CDC25B: variants seen among roughly 807,000 people sequenced by gnomAD.
CDC25B encodes cell division cycle 25B, also known as M-phase inducer phosphatase 2.
CDC25B carries 33 observed loss-of-function variants against 69.8 expected under a neutral mutation model. That is an observed-to-expected ratio of 0.47 (90% CI 0.36 to 0.63). The LOEUF (loss-of-function observed/expected upper bound fraction) is 0.63. CDC25B is among the 30% of genes least tolerant of loss of function. CDC25B has a pLI of 0.00. For synonymous variants in CDC25B, 341 were observed against 314.6 expected (o/e 1.08, Z -0.89); for missense variants, 727 against 809.1 (o/e 0.90, Z 1.23).
In CDC25B at chr20:3,796,608, C is replaced by A; in HGVS notation, c.77C>A (p.Pro26Gln). 5 of 1,441,100 alleles carry A rather than the reference C, an allele frequency of 3.5e-6. No individual in the cohort carries two copies. Among genetic ancestry groups the A allele is most frequent in the Non-Finnish European group, 4.5e-6 (5 of 1,101,600 alleles). 89.3% of individuals were successfully genotyped at this position (1,441,100 alleles called of 1,614,324 possible). ...PAGVCGGAQR[P>Q]GHLPGLLLGS... ...GGCGTGTGCGGTGGCGCCCAGCGTC[C>A]GGGCCACCTCCCGGGCCTCCTGCTG... Residue 26 changes from proline (P) to glutamine (Q), a missense_variant, in exon 1 of 16, where the codon CCG (proline) becomes CAG (glutamine). Physicochemically the swap from Pro to Gln is moderately conservative, Grantham distance 76 (BLOSUM62 -1). This residue lies in a region of CDC25B where 368 missense variants were observed against 345.6 expected (regional missense o/e 1.06). Coordinates refer to ENST00000245960, the MANE Select transcript of CDC25B (RefSeq NM_021873.4).
chr20:3,800,970 G>C lies in CDC25B; in HGVS notation c.583-1G>C. On this transcript the variant is annotated splice_acceptor_variant, in intron 6 of 15. Coordinates refer to ENST00000245960, the MANE Select transcript of CDC25B (RefSeq NM_021873.4). LOFTEE classifies it high-confidence loss of function. ...ACCCTCCTCTCCCATCTTGGCTGCAGGATGGATTTGTCTTCAAGATGCCAT... is the reference window on the plus strand; with the variant it reads ...ACCCTCCTCTCCCATCTTGGCTGCACGATGGATTTGTCTTCAAGATGCCAT... The C allele has an allele frequency of 6.2e-7, 1 of 1,614,004 alleles. No homozygotes were observed. Among genetic ancestry groups the C allele is most frequent in the South Asian group, 1.1e-5 (1 of 91,076 alleles).
chr20:3,802,122 T>C, intron 10 of CDC25B, 22 bp downstream of exon 10: 1 of 1,540,780 alleles, frequency 6.5e-7, no homozygotes, highest in East Asian at 2.4e-5. Flanking sequence ...CCTCCTGGGG[T>C]TCACTTTGGC....
chr20:3,790,613 C>G (rs966173105), intron 1 of CDC25B, among the ~76,000 whole-genome samples: 19 of 151,926 alleles, frequency 1.3e-4, no homozygotes, highest in Admixed American at 3.9e-4. Context: ...CGAGGTCACC[C>G]AGGCTAGAGT....
intron 1 of CDC25B, among the ~76,000 whole-genome samples, chr20:3,788,495 A>T (rs2088862256): frequency 6.6e-6 from 1 of 152,222 alleles, no homozygotes; most frequent in South Asian, 2.1e-4. Flanking sequence ...TTAATCTTCA[A>T]CCTGTCAATT....
At chr20:3,790,631 T>C (rs1171295820) in intron 1 of CDC25B, among the ~76,000 whole-genome samples, 1 of 151,664 alleles carries the variant, frequency 6.6e-6, no homozygotes, top group Non-Finnish European at 1.5e-5. Flanking sequence ...AGTGCAATGG[T>C]GCAATGTCAG....
intron 11 of CDC25B, 90 bp downstream of exon 11, chr20:3,802,466 T>C: frequency 1.2e-6 from 1 of 844,308 alleles, no homozygotes; most frequent in Non-Finnish European, 1.9e-6. Context: ...GGTTCCTCCC[T>C]TTCTCCCCGG....
At chr20:3,797,867 C>T in intron 2 of CDC25B, 118 bp downstream of exon 2, 1 of 1,237,594 alleles carries the variant, frequency 8.1e-7, no homozygotes, top group East Asian at 2.3e-5. Flanking sequence ...CCTGGTGGGC[C>T]CAGGAGCCTC....
chr20:3,794,759 G>T (rs377204051), upstream of CDC25B, among the ~76,000 whole-genome samples: 179 of 152,140 alleles, frequency 1.2e-3, no homozygotes, highest in African/African-American at 2.1e-3. Context: ...TCTCAGGTGG[G>T]GCTGGGGTCT....
chr20:3,789,769 T>C (rs1295215092), intron 1 of CDC25B, among the ~76,000 whole-genome samples: 1 of 152,010 alleles, frequency 6.6e-6, no homozygotes, highest in African/African-American at 2.4e-5. Context: ...GTGGGCAGAT[T>C]ACGAGGTCAG....
upstream of CDC25B, among the ~76,000 whole-genome samples, chr20:3,792,095 G>C (rs1340226366): frequency 6.6e-6 from 1 of 152,068 alleles, no homozygotes; most frequent in Non-Finnish European, 1.5e-5. Context: ...TGTATTTTTA[G>C]TAGAGACAGG....
At position 3,803,608 on chromosome 20, in the gene CDC25B, C is replaced by T; in HGVS notation, c.1490+71C>T. 2 of 1,597,880 alleles carry T rather than the reference C, an allele frequency of 1.3e-6. No individual in the cohort carries two copies. The highest frequency in any genetic ancestry group is 1.7e-6 in the Non-Finnish European group (2 of 1,170,516). ...CCCTGCCCAGGCTCACAGGTGCTGGCACCATTGAGATGGCCAGGGGTGCAA... is the reference window on the plus strand; with the variant it reads ...CCCTGCCCAGGCTCACAGGTGCTGGTACCATTGAGATGGCCAGGGGTGCAA... On this transcript the variant is annotated intron_variant, in intron 14 of 15. Coordinates refer to ENST00000245960, the MANE Select transcript of CDC25B (RefSeq NM_021873.4). The surrounding 1 kb of genome is among the most constrained non-coding windows in gnomAD (Gnocchi z 4.9).
intron 10 of CDC25B, 67 bp downstream of exon 10, chr20:3,802,167 G>T (rs1422437488): frequency 1.3e-6 from 2 of 1,542,380 alleles, no homozygotes; most frequent in Admixed American, 1.9e-5. Flanking sequence ...GGCTAAGTTT[G>T]TGGCAGAGGG....
intron 1 of CDC25B, among the ~76,000 whole-genome samples, chr20:3,797,085 G>A (rs1280246476): frequency 6.6e-6 from 1 of 152,178 alleles, no homozygotes; most frequent in Non-Finnish European, 1.5e-5. Flanking sequence ...GCCTGGAGAG[G>A]GAACTTAAGG....
intron 11 of CDC25B, chr20:3,802,680 G>C (rs1207354280): frequency 1.6e-6 from 1 of 607,196 alleles, no homozygotes; most frequent in Non-Finnish European, 2.9e-6. Flanking sequence ...AGCAGAGTGT[G>C]GAGTTCATCT....
In CDC25B at chr20:3,804,495, G is replaced by T. The variant is rs557581151; in HGVS notation, c.1491-74G>T. 4.4e-6 allele frequency: 4 copies of T among 918,940 alleles called. No individual in the cohort carries two copies. The African/African-American group carries it at 6.5e-5, about 15-fold the overall frequency. 56.9% of individuals were successfully genotyped at this position (918,940 alleles called of 1,614,324 possible). The stretch of plus-strand genomic sequence containing the variant: ...CCCCAAGGCCCTCAAAGGAGGGGAC[G>T]TGGGGGATAGGTCCCATGATGTACA... On this transcript the variant is annotated intron_variant, in intron 14 of 15. Coordinates refer to ENST00000245960, the MANE Select transcript of CDC25B (RefSeq NM_021873.4).
At chr20:3,802,880 C>T (rs778404088) in intron 11 of CDC25B, 30 bp from the exon 12 acceptor site, 2 of 1,585,676 alleles carry the variant, frequency 1.3e-6, no homozygotes, top group East Asian at 2.2e-5. Flanking sequence ...AACTTTCTCC[C>T]CTCTCCCTCA....
At chr20:3,796,221 T>C (rs1209305720), upstream of CDC25B, 1 of 1,216,162 alleles carries the variant, frequency 8.2e-7, no homozygotes, top group Non-Finnish European at 1.0e-6. Context: ...CCCGCCCTCA[T>C]CTAACCCGCT....
chr20:3,799,556 C>T (rs181812525), intron 3 of CDC25B, among the ~76,000 whole-genome samples: 2 of 151,076 alleles, frequency 1.3e-5, no homozygotes, highest in African/African-American at 4.9e-5. Context: ...ACAAAAGCTC[C>T]GCGTGGCAGG....
At chr20:3,800,698 A>T in intron 5 of CDC25B, 45 bp from the exon 6 acceptor site, 1 of 1,602,332 alleles carries the variant, frequency 6.2e-7, no homozygotes, top group African/African-American at 1.3e-5. Flanking sequence ...TGCCGGAGGA[A>T]TGCAGCCTTC....
Sources: allele counts gnomAD v4.1 joint callset (sites outside exome capture counted in the v4.1 genomes callset), GRCh38; gene constraint gnomAD v4.1.1; regional missense constraint gnomAD v4.1.1; non-coding constraint Gnocchi (gnomAD v3.1); transcripts MANE v1.5; gene names NCBI Gene and HGNC (gene_info 2026-07-23, HGNC 2026-07-21).